Variants in ANKS1A observed in about 807,000 individuals in gnomAD.
The protein encoded by ANKS1A is ankyrin repeat and SAM domain-containing protein 1A.
ANKS1A carries 55 observed loss-of-function variants against 120.3 expected under a neutral mutation model. That is an observed-to-expected ratio of 0.46 (90% CI 0.37 to 0.57). The LOEUF (loss-of-function observed/expected upper bound fraction) is 0.57, where lower values mean the gene tolerates loss of function less well. ANKS1A is among the 20% of genes least tolerant of loss of function. ANKS1A has a pLI of 0.00. For synonymous variants in ANKS1A, 590 were observed against 604.7 expected (o/e 0.98, Z 0.36); for missense variants, 1,123 against 1,480.3 (o/e 0.76, Z 3.96).
Position 34,981,984 on chromosome 6 carries a change from C to G in ANKS1A, c.730C>G (p.Gln244Glu). ...LLDAGMDSNY[Q>E]TEMGSALHEA... ...CGATGCTGGCATGGACAGCAACTAC[C>G]AGGTAGCAGGGCGGGTGGGGGCTCC... is the stretch of plus-strand genomic sequence containing the variant. Residue 244 changes from glutamine (Q) to glutamate (E), a missense_variant and splice_region_variant, in exon 4 of 24, where the codon CAG (glutamine) becomes GAG (glutamate). Physicochemically the swap from Gln to Glu is conservative, Grantham distance 29 (BLOSUM62 2). Transcript: ENST00000360359. The G allele has an allele frequency of 6.2e-7, 1 of 1,613,614 alleles. No homozygotes were observed. Among genetic ancestry groups the G allele is most frequent in the Non-Finnish European group, 8.5e-7 (1 of 1,179,612 alleles).
rs891174948 is a variant in ANKS1A at position 34,981,724 on chromosome 6, C to T, written c.470C>T (p.Ala157Val). 2 of 1,614,166 alleles carry T rather than the reference C, an allele frequency of 1.2e-6. No individual in the cohort carries two copies. The highest frequency in any genetic ancestry group is 1.1e-5 in the South Asian group (1 of 91,074). Residue 157 changes from alanine to valine, a missense_variant, in exon 4 of 24, where the codon GCG becomes GTG. Physicochemically the swap from Ala to Val is moderately conservative, Grantham distance 64. Around this residue, in one of 3 missense-constraint regions of ANKS1A, gnomAD observed 146 missense variants for 267.8 expected, o/e 0.55. Coordinates refer to ENST00000360359, the MANE Select transcript of ANKS1A (RefSeq NM_015245.3). ...AACGAGACAGCCCTGCATTGTGCAG[C>T]GCAGTATGGCCACACAGAGGTGGTG... is the stretch of plus-strand genomic sequence containing the variant. ...NDNETALHCA[A>V]QYGHTEVVKV...
At chr6:35,072,298 G>A (rs556652803) in intron 13 of ANKS1A, among the ~76,000 whole-genome samples, 39 of 152,328 alleles carry the variant, frequency 2.6e-4, no homozygotes, top group African/African-American at 7.7e-4. Flanking sequence ...TGCTCCTTCC[G>A]TTCGCCTGGG....
Position 35,073,519 on chromosome 6 carries a change from G to A in ANKS1A, c.2185-5039G>A, listed in dbSNP as rs1055037440. ...CTCTGTCCCGCCTTGGTTGCTGGGA[G>A]CCCTCCTGTCCCCTCTTCCTCAGGG... is the stretch of plus-strand genomic sequence containing the variant. On this transcript the variant is annotated intron_variant, in intron 13 of 23. Transcript: ENST00000360359. Among the ~76,000 whole-genome samples, 6 of 152,344 alleles carry A rather than the reference G, an allele frequency of 3.9e-5. No individual in the cohort carries two copies. In the East Asian group the frequency reaches 1.2e-3, roughly 29 times the overall value.
chr6:34,947,262 C>T (rs1769850542), intron 1 of ANKS1A, among the ~76,000 whole-genome samples: 1 of 149,958 alleles, frequency 6.7e-6, no homozygotes, highest in Non-Finnish European at 1.5e-5. Flanking sequence ...TCTCCTGTCT[C>T]AGCCTTTCGA....
intron 1 of ANKS1A, among the ~76,000 whole-genome samples, chr6:34,938,959 G>T (rs1769397781): frequency 6.6e-6 from 1 of 152,238 alleles, no homozygotes; most frequent in Non-Finnish European, 1.5e-5. Flanking sequence ...CTGTGCTCCA[G>T]CCTGGGCGAC....
intron 1 of ANKS1A, among the ~76,000 whole-genome samples, chr6:34,945,242 A>C (rs1485543589): frequency 2.0e-5 from 3 of 152,036 alleles, no homozygotes; most frequent in Non-Finnish European, 4.4e-5. Context: ...CACCTGGCTA[A>C]TTTTTAAAAA....
At chr6:34,960,610 T>G (rs1469033581) in intron 1 of ANKS1A, among the ~76,000 whole-genome samples, 1 of 152,138 alleles carries the variant, frequency 6.6e-6, no homozygotes, top group Non-Finnish European at 1.5e-5. Flanking sequence ...GAGAGAGGCC[T>G]TTGAGGGGGG....
intron 13 of ANKS1A, among the ~76,000 whole-genome samples, chr6:35,077,754 T>G (rs1199073347): frequency 2.0e-5 from 3 of 152,190 alleles, no homozygotes. Flanking sequence ...GTCAAGAAAT[T>G]TCTGACCTCT....
rs748752400 is a variant in ANKS1A at position 35,081,140 on chromosome 6, G to A, written c.2691G>A (p.Ala897=). Residue 897 remains alanine (A), a synonymous_variant, in exon 17 of 24, where the codon GCG becomes GCA. Coordinates refer to ENST00000360359, the MANE Select transcript of ANKS1A (RefSeq NM_015245.3). ...SLHDPAAPSR[A]ERFRIQEEHR... ...ATGACCCTGCGGCACCCTCCCGAGC[G>A]GAGCGCTTCAGGATCCAGGTGGGGC... 72 of 1,610,978 alleles carry A rather than the reference G, an allele frequency of 4.5e-5. No homozygotes were observed. In the East Asian group the frequency reaches 1.4e-3, roughly 32 times the overall value.
At chr6:34,930,879 CTTT>C (rs1224588141) in intron 1 of ANKS1A, among the ~76,000 whole-genome samples, 1 of 139,140 alleles carries the variant, frequency 7.2e-6, no homozygotes. Context: ...CACATAAAGT[CTTT>C]TTTTTTTTTT....
rs1262909430 is a variant in ANKS1A at position 35,000,168 on chromosome 6, C to G, written c.1423+5746C>G. On this transcript the variant is annotated intron_variant, in intron 10 of 23. Coordinates refer to ENST00000360359, the MANE Select transcript of ANKS1A (RefSeq NM_015245.3). The stretch of plus-strand genomic sequence containing the variant: ...AGGGCGTATCCCGAAAGCACTGAGG[C>G]CTTCCTATCAAAAATCCTTAACCCA... 2.6e-5 allele frequency among the ~76,000 whole-genome samples: 4 copies of G among 151,964 alleles called. No homozygotes were observed. In the East Asian group the frequency reaches 5.8e-4, roughly 22 times the overall value.
chr6:35,068,129 G>A (rs903215836), intron 13 of ANKS1A, among the ~76,000 whole-genome samples: 2 of 152,094 alleles, frequency 1.3e-5, no homozygotes, highest in South Asian at 2.1e-4. Flanking sequence ...CCTGACCTCA[G>A]GTGATCCACT....
chr6:35,091,084 G>A lies in ANKS1A; in HGVS notation c.*2475G>A. On this transcript the variant is annotated 3_prime_UTR_variant, in exon 24 of 24. Transcript: ENST00000360359. ...GAGATGCCCAGGCCAGCAGAAAGCA[G>A]CTCAGAAGTATTGTTGCTCATGGTG... 3 of 985,918 alleles carry A rather than the reference G, an allele frequency of 3.0e-6. No individual in the cohort carries two copies. Among genetic ancestry groups the A allele is most frequent in the Non-Finnish European group, 3.6e-6 (3 of 829,932 alleles). The allele number at this position is 985,918 out of a possible 1,614,324, so 61.1% of individuals were successfully genotyped here. A position where few individuals can be genotyped will look rare whatever the true frequency, so the allele number is the denominator to read the frequency against.
chr6:35,088,337 A>C (rs1180030019), intron 23 of ANKS1A, among the ~76,000 whole-genome samples: 2 of 152,188 alleles, frequency 1.3e-5, no homozygotes, highest in Non-Finnish European at 2.9e-5. Flanking sequence ...TCCACTAGGA[A>C]AGCCAGTCGG....
Position 35,085,691 on chromosome 6 carries a change from C to T in ANKS1A, c.3133-75C>T. The T allele has an allele frequency of 6.9e-7, 1 of 1,458,216 alleles. No individual in the cohort carries two copies. Among genetic ancestry groups the T allele is most frequent in the Non-Finnish European group, 9.2e-7 (1 of 1,091,174 alleles). The allele number at this position is 1,458,216 out of a possible 1,614,324, so 90.3% of individuals were successfully genotyped here. ...TAGACTTAGAGGGGGACACATGGTCCCTGCGAGGAAGGGCATATCCAGTGT... is the reference window on the plus strand; with the variant it reads ...TAGACTTAGAGGGGGACACATGGTCTCTGCGAGGAAGGGCATATCCAGTGT... On this transcript the variant is annotated intron_variant, in intron 21 of 23. Transcript: ENST00000360359. The surrounding 1 kb of genome is among the most constrained non-coding windows in gnomAD (Gnocchi z 4.7).
Position 34,982,930 on chromosome 6 carries a change from G to A in ANKS1A, c.808+103G>A. ...TTTGCTGGCTGTGTTTGAACTCAAT[G>A]TATGTGTATCTCCACTGGTTGATTA... On this transcript the variant is annotated intron_variant, in intron 5 of 23. Transcript: ENST00000360359. The surrounding 1 kb of genome is among the most constrained non-coding windows in gnomAD (Gnocchi z 4.9). 2.1e-6 allele frequency: 3 copies of A among 1,401,512 alleles called. No individual in the cohort carries two copies. The highest frequency in any genetic ancestry group is 3.0e-6 in the Non-Finnish European group (3 of 990,148). 86.8% of individuals were successfully genotyped at this position (1,401,512 alleles called of 1,614,324 possible).
intron 10 of ANKS1A, among the ~76,000 whole-genome samples, chr6:35,006,202 A>G (rs1212301344): frequency 2.0e-5 from 3 of 151,136 alleles, no homozygotes; most frequent in African/African-American, 7.3e-5. Context: ...AAAAAAAAAA[A>G]AAAAATCAAG....
chr6:34,944,089 C>T (rs551096134), intron 1 of ANKS1A, among the ~76,000 whole-genome samples: 4 of 151,994 alleles, frequency 2.6e-5, no homozygotes, highest in African/African-American at 4.8e-5. Flanking sequence ...CTGGCTAACA[C>T]GGTGAAAACC....
In ANKS1A at chr6:35,060,085, C is replaced by T; in HGVS notation, c.2078-62C>T. ...AATGCCATCTATCTTCCTCTGAGTG[C>T]CGCTGCTACCGCCTTAATGGTTTTT... On this transcript the variant is annotated intron_variant, in intron 12 of 23. Coordinates refer to ENST00000360359, the MANE Select transcript of ANKS1A (RefSeq NM_015245.3). The surrounding 1 kb of genome is among the most constrained non-coding windows in gnomAD (Gnocchi z 4.5). The T allele has an allele frequency of 2.2e-6, 3 of 1,366,112 alleles. No individual in the cohort carries two copies. The highest frequency in any genetic ancestry group is 3.1e-6 in the Non-Finnish European group (3 of 971,900). 84.6% of individuals were successfully genotyped at this position (1,366,112 alleles called of 1,614,324 possible).
Sources: allele counts gnomAD v4.1 joint callset (sites outside exome capture counted in the v4.1 genomes callset), GRCh38; gene constraint gnomAD v4.1.1; regional missense constraint gnomAD v4.1.1; non-coding constraint Gnocchi (gnomAD v3.1); transcripts MANE v1.5; gene names NCBI Gene and HGNC (gene_info 2026-07-23, HGNC 2026-07-21).